IDO2: variants seen among roughly 807,000 people sequenced by gnomAD.
The protein encoded by IDO2 is indoleamine 2,3-dioxygenase 2, also known as indoleamine 2,3-dioxygenase-like 1 protein.
A neutral mutation model predicts 45.1 loss-of-function variants in IDO2; 46 were observed. The ratio of observed to expected loss-of-function variants is 1.02; its 90% CI spans 0.80 to 1.30. The LOEUF (loss-of-function observed/expected upper bound fraction) is 1.30. IDO2 is among the 50% of genes most tolerant of loss of function. The pLI is 0.00. For synonymous variants in IDO2, 218 were observed against 184.9 expected (o/e 1.18, Z -1.45); for missense variants, 544 against 491.8 (o/e 1.11, Z -1.00).
At chr8:39,963,890 C>T (rs938355154) in intron 3 of IDO2, among the ~76,000 whole-genome samples, 187 bp downstream of exon 3, 1 of 152,110 alleles carries the variant, frequency 6.6e-6, no homozygotes, top group Non-Finnish European at 1.5e-5. Context: ...ATGTGTTTTC[C>T]TAAGGTTTTC....
intron 8 of IDO2, among the ~76,000 whole-genome samples, chr8:39,997,401 C>T (rs1585416761): frequency 6.6e-6 from 1 of 152,092 alleles, no homozygotes; most frequent in Non-Finnish European, 1.5e-5. Flanking sequence ...TTGCCAGATG[C>T]GGTGGCTCAT....
At chr8:39,998,766 G>C (rs888030112) in intron 8 of IDO2, among the ~76,000 whole-genome samples, 1 of 147,460 alleles carries the variant, frequency 6.8e-6, no homozygotes, top group African/African-American at 2.5e-5. Flanking sequence ...TCAACTTCCC[G>C]AGTAGCTGAG....
At chr8:39,952,565 G>A (rs1807828487) in intron 2 of IDO2, among the ~76,000 whole-genome samples, 1 of 152,102 alleles carries the variant, frequency 6.6e-6, no homozygotes, top group Non-Finnish European at 1.5e-5. Context: ...AACATTTATT[G>A]TGGAAAATGT....
At chr8:39,936,841 A>G (rs1431214276) in intron 1 of IDO2, among the ~76,000 whole-genome samples, 4 of 152,214 alleles carry the variant, frequency 2.6e-5, no homozygotes, top group Non-Finnish European at 5.9e-5. Context: ...ATTTCCAAAG[A>G]AGAAAATAAA....
chr8:40,010,037 T>TGG (rs1382441390), intron 9 of IDO2, among the ~76,000 whole-genome samples: 18 of 70,990 alleles, frequency 2.5e-4, no homozygotes, highest in African/African-American at 1.1e-3. Context: ...TTCAATGCGG[T>TGG]GGGTGGGGGG....
intron 8 of IDO2, chr8:39,995,296 T>TCTTCTTCC (rs1276384656): frequency 2.1e-5 from 3 of 145,478 alleles, no homozygotes; most frequent in Non-Finnish European, 3.0e-5. Flanking sequence ...TTCTTTTTTT[T>TCTTCTTCC]TTGAGATGGA....
At chr8:39,984,987 A>G (rs1458634492) in intron 5 of IDO2, 2 of 408,588 alleles carry the variant, frequency 4.9e-6, no homozygotes, top group Non-Finnish European at 9.5e-6. Flanking sequence ...GCTGGAGTGC[A>G]GTGGCATGAT....
At chr8:39,936,557 C>T (rs1327823462) in intron 1 of IDO2, among the ~76,000 whole-genome samples, 1 of 152,168 alleles carries the variant, frequency 6.6e-6, no homozygotes, top group African/African-American at 2.4e-5. Flanking sequence ...GGTGGATCCT[C>T]ACACTGTTAC....
At chr8:39,979,827 C>G (rs1229168385) in intron 4 of IDO2, among the ~76,000 whole-genome samples, 1 of 151,342 alleles carries the variant, frequency 6.6e-6, no homozygotes, top group East Asian at 2.0e-4. Flanking sequence ...GGCAGATTGC[C>G]TTTTTGCTTT....
intron 3 of IDO2, among the ~76,000 whole-genome samples, chr8:39,970,330 C>T (rs1808159610): frequency 1.3e-5 from 2 of 152,204 alleles, no homozygotes; most frequent in African/African-American, 2.4e-5. Flanking sequence ...AGCTAATTAT[C>T]CAGAAGATCC....
At chr8:39,951,873 C>G (rs1055842975) in intron 2 of IDO2, among the ~76,000 whole-genome samples, 1 of 152,202 alleles carries the variant, frequency 6.6e-6, no homozygotes, top group Non-Finnish European at 1.5e-5. Context: ...GTTCTTTCCT[C>G]TTTCATAACT....
intron 3 of IDO2, among the ~76,000 whole-genome samples, chr8:39,975,986 C>T (rs1309457769): frequency 6.6e-6 from 1 of 151,896 alleles, no homozygotes; most frequent in African/African-American, 2.4e-5. Flanking sequence ...AACTAAATAA[C>T]CAATATATTT....
chr8:39,950,887 A>G (rs1351851110), intron 2 of IDO2, among the ~76,000 whole-genome samples: 1 of 152,204 alleles, frequency 6.6e-6, no homozygotes, highest in Non-Finnish European at 1.5e-5. Flanking sequence ...GCAAGCTACG[A>G]CAGCTGATTT....
chr8:40,009,630 A>G (rs1390248469), intron 9 of IDO2, among the ~76,000 whole-genome samples: 1 of 152,210 alleles, frequency 6.6e-6, no homozygotes, highest in African/African-American at 2.4e-5. Context: ...GGGCTGCTCA[A>G]AGAAACACAA....
intron 2 of IDO2, among the ~76,000 whole-genome samples, chr8:39,956,258 C>T (rs1408014684): frequency 1.3e-5 from 2 of 151,928 alleles, no homozygotes; most frequent in Non-Finnish European, 2.9e-5. Context: ...GACGGGATTT[C>T]CCCATGTTGG....
At chr8:40,004,709 T>C (rs1010684755) in intron 8 of IDO2, among the ~76,000 whole-genome samples, 5 of 152,150 alleles carry the variant, frequency 3.3e-5, no homozygotes, top group African/African-American at 1.2e-4. Flanking sequence ...TTAGTACAAA[T>C]AAGAGGGCAG....
At chr8:40,000,864 T>C (rs572054484) in intron 8 of IDO2, among the ~76,000 whole-genome samples, 1 of 152,240 alleles carries the variant, frequency 6.6e-6, no homozygotes, top group African/African-American at 2.4e-5. Context: ...TTTTGTCAAC[T>C]TCATTTCTTC....
intron 1 of IDO2, among the ~76,000 whole-genome samples, chr8:39,937,141 T>C (rs746437342): frequency 9.2e-5 from 14 of 152,212 alleles, no homozygotes; most frequent in Non-Finnish European, 2.1e-4. Flanking sequence ...TCAGAACAGC[T>C]TTTGAATTTT....
intron 8 of IDO2, among the ~76,000 whole-genome samples, chr8:40,004,525 T>TGTTA (rs1554549462): frequency 1.7e-4 from 25 of 144,518 alleles, no homozygotes; most frequent in Non-Finnish European, 3.5e-4. Context: ...GACAGACAGA[T>TGTTA]GATAGATAGA....
Sources: gnomAD v4.1 joint callset for allele counts (sites outside exome capture counted in the v4.1 genomes callset) on GRCh38, gnomAD v4.1.1 for gene constraint, MANE v1.5 for transcripts, NCBI Gene and HGNC (gene_info 2026-07-23, HGNC 2026-07-21) for gene names.